Variants in SAP130 observed in about 807,000 individuals in gnomAD.
The protein encoded by SAP130 is Sin3A associated protein 130.
SAP130 carries 16 observed loss-of-function variants against 103.2 expected under a neutral mutation model. The ratio of observed to expected loss-of-function variants is 0.16; its 90% CI spans 0.10 to 0.24. The LOEUF (loss-of-function observed/expected upper bound fraction) is 0.24. Ranked by LOEUF, SAP130 falls within the 10% of genes least tolerant of loss-of-function variation. The pLI is 1.00. For missense variants in SAP130, 990 were observed against 1,359.7 expected (o/e 0.73, Z 4.28); for synonymous variants, 477 against 497.0 (o/e 0.96, Z 0.53).
At chr2:127,975,080 C>A (rs569559085) in intron 15 of SAP130, among the ~76,000 whole-genome samples, 26 of 152,276 alleles carry the variant, frequency 1.7e-4, no homozygotes, top group South Asian at 1.2e-3. Flanking sequence ...GCTCTATGGT[C>A]CCCAAATCAC....
intron 15 of SAP130, among the ~76,000 whole-genome samples, chr2:127,971,356 G>A (rs1302272310): frequency 6.7e-6 from 1 of 149,216 alleles, no homozygotes; most frequent in Admixed American, 6.7e-5. Flanking sequence ...TGCAATCTCG[G>A]CTCACTGCAA....
Position 127,942,392 on chromosome 2 carries a change from AGAT to A in SAP130, c.3015+29_3015+31del. 9.0e-6 allele frequency: 13 copies of A among 1,446,816 alleles called. No homozygotes were observed. Among genetic ancestry groups the A allele is most frequent in the Non-Finnish European group, 1.3e-5 (13 of 1,028,164 alleles). The allele number at this position is 1,446,816 out of a possible 1,614,324, so 89.6% of individuals were successfully genotyped here. The stretch of plus-strand genomic sequence containing the variant: ...TTTACAGAAAGCAACTTCATAAAGT[AGAT>A]GATCAGAAGGGAAGGGGCGCACTCA... On this transcript the variant is annotated intron_variant, in intron 20 of 20. Coordinates refer to ENST00000643581, the MANE Select transcript of SAP130 (RefSeq NM_001330301.2). The surrounding 1 kb of genome is among the most constrained non-coding windows in gnomAD (Gnocchi z 4.8).
intron 3 of SAP130, 97 bp downstream of exon 3, chr2:128,017,583 G>T: frequency 1.9e-6 from 2 of 1,056,242 alleles, no homozygotes; most frequent in Non-Finnish European, 2.8e-6. Flanking sequence ...AATGAAATGT[G>T]ATCCTAAGAT....
chr2:127,942,317 G>C lies in SAP130; in HGVS notation c.3015+107C>G, dbSNP rs752267623. 3.7e-6 allele frequency: 4 copies of C among 1,088,312 alleles called. No individual in the cohort carries two copies. Among genetic ancestry groups the C allele is most frequent in the Non-Finnish European group, 5.5e-6 (4 of 724,756 alleles). 67.4% of individuals were successfully genotyped at this position (1,088,312 alleles called of 1,614,324 possible). On this transcript the variant is annotated intron_variant, in intron 20 of 20. Coordinates refer to ENST00000643581, the MANE Select transcript of SAP130 (RefSeq NM_001330301.2). The surrounding 1 kb of genome is among the most constrained non-coding windows in gnomAD (Gnocchi z 4.8). The stretch of plus-strand genomic sequence containing the variant: ...CAGGAGTGCAGGCTGAAGCACGTAT[G>C]TTTTTACTGAAGATATGAGGGAGAC...
intron 16 of SAP130, among the ~76,000 whole-genome samples, chr2:127,951,709 T>C (rs1679506857): frequency 6.6e-6 from 1 of 152,194 alleles, no homozygotes. Flanking sequence ...CTCCAACCAG[T>C]CTGCACCTAC....
intron 14 of SAP130, among the ~76,000 whole-genome samples, chr2:127,980,551 T>C (rs1013382764): frequency 5.9e-5 from 9 of 152,108 alleles, no homozygotes; most frequent in African/African-American, 1.9e-4. Flanking sequence ...TCAAAAGTCA[T>C]GCACAAAAAT....
intron 6 of SAP130, among the ~76,000 whole-genome samples, chr2:128,010,995 C>A (rs890065855): frequency 6.6e-6 from 1 of 150,548 alleles, no homozygotes; most frequent in African/African-American, 2.5e-5. Context: ...GTACATGAGT[C>A]CCTCCTGTAC....
Position 127,978,057 on chromosome 2 carries a change from T to C in SAP130, c.1991A>G (p.Gln664Arg), listed in dbSNP as rs1019490619. 6.4e-6 allele frequency: 10 copies of C among 1,551,728 alleles called. No individual in the cohort carries two copies. Among genetic ancestry groups the C allele is most frequent in the Non-Finnish European group, 8.7e-6 (10 of 1,146,992 alleles). The change falls in exon 15 of 21, where the codon CAG becomes CGG. Residue 664 changes from glutamine to arginine, a missense_variant. Physicochemically the swap from Gln to Arg is conservative, Grantham distance 43. This residue lies in a region of SAP130 where 349 missense variants were observed against 384.1 expected (regional missense o/e 0.91). Transcript: ENST00000643581. ...TCGAGGACTAGCAACATCAGGAGGC[T>C]GAGGAGGAATGAGGGTTTTCCGAAC... ...MAVRKTLIPP[Q>R]PPDVASPRVE...
intron 7 of SAP130, among the ~76,000 whole-genome samples, chr2:128,007,968 C>T (rs886300160): frequency 2.0e-5 from 3 of 152,160 alleles, no homozygotes; most frequent in Non-Finnish European, 2.9e-5. Flanking sequence ...CTAAAACCTG[C>T]TTTCCTTCCC....
Position 127,978,237 on chromosome 2 carries a change from C to T in SAP130, c.1959-148G>A, listed in dbSNP as rs573336291. On this transcript the variant is annotated intron_variant, in intron 14 of 20. Coordinates refer to ENST00000643581, the MANE Select transcript of SAP130 (RefSeq NM_001330301.2). Reference sequence around the variant, plus strand: ...TTTTTAAAATGGATTTTCATTTTCTCGGATACCACAGACACATTACCAAAA... The same window carrying T: ...TTTTTAAAATGGATTTTCATTTTCTTGGATACCACAGACACATTACCAAAA... 71 of 610,760 alleles carry T rather than the reference C, an allele frequency of 1.2e-4. No homozygotes were observed. In the Admixed American group the frequency reaches 1.2e-3, roughly 10 times the overall value. The allele number at this position is 610,760 out of a possible 1,614,324, so 37.8% of individuals were successfully genotyped here.
At chr2:127,980,013 G>T (rs1178143437) in intron 14 of SAP130, among the ~76,000 whole-genome samples, 1 of 151,922 alleles carries the variant, frequency 6.6e-6, no homozygotes, top group East Asian at 1.9e-4. Flanking sequence ...GAGTAGCTGG[G>T]ATTATAGGTG....
At chr2:127,962,390 A>G (rs1258075645) in intron 15 of SAP130, among the ~76,000 whole-genome samples, 1 of 152,228 alleles carries the variant, frequency 6.6e-6, no homozygotes, top group Non-Finnish European at 1.5e-5. Context: ...ATATACCCAA[A>G]GGATTATAAA....
intron 15 of SAP130, among the ~76,000 whole-genome samples, chr2:127,964,232 G>A (rs939929539): frequency 6.6e-5 from 10 of 152,042 alleles, no homozygotes; most frequent in African/African-American, 2.4e-4. Flanking sequence ...AGTGGCTCAC[G>A]CCTGTAATCC....
rs1685646211 is a variant in SAP130 at position 128,028,024 on chromosome 2, C to G, written c.-91G>C. ...TCTGTGGGGCCGACGTCCCCAGGCT[C>G]CGGACCCGCAGCCACCGCCGGGGAG... On this transcript the variant is annotated 5_prime_UTR_variant, in exon 1 of 21. Transcript: ENST00000643581. The G allele has an allele frequency of 1.0e-6, 1 of 978,568 alleles. No individual in the cohort carries two copies. The highest frequency in any genetic ancestry group is 1.7e-5 in the African/African-American group (1 of 57,224). 60.6% of individuals were successfully genotyped at this position (978,568 alleles called of 1,614,324 possible). A position where few individuals can be genotyped will look rare whatever the true frequency, so the allele number is the denominator to read the frequency against.
Position 127,955,257 on chromosome 2 carries a change from C to T in SAP130, c.2151G>A (p.Gln717=). 7 of 1,613,916 alleles carry T rather than the reference C, an allele frequency of 4.3e-6. No homozygotes were observed. Among genetic ancestry groups the T allele is most frequent in the Non-Finnish European group, 5.9e-6 (7 of 1,179,930 alleles). The part of the protein sequence containing the change: ...METVSNQNND[Q]PTIAVPPTAQ... The stretch of plus-strand genomic sequence containing the variant: ...CAGTTGGAGGGACGGCAATGGTAGG[C>T]TGATCATTATTTTGATTGGATACAG... Residue 717 remains glutamine, a synonymous_variant, in exon 16 of 21, where the codon CAG becomes CAA. Transcript: ENST00000643581. The surrounding 1 kb of genome is among the most constrained non-coding windows in gnomAD (Gnocchi z 4.9).
At chr2:127,980,314 A>T (rs555114076) in intron 14 of SAP130, among the ~76,000 whole-genome samples, 3 of 152,060 alleles carry the variant, frequency 2.0e-5, no homozygotes, top group South Asian at 2.1e-4. Flanking sequence ...AAACAAATTT[A>T]AAAAAAAGAA....
intron 2 of SAP130, among the ~76,000 whole-genome samples, chr2:128,019,190 A>G (rs1684986344): frequency 6.6e-6 from 1 of 152,090 alleles, no homozygotes; most frequent in African/African-American, 2.4e-5. Context: ...GATAGGAGAG[A>G]TATTTTCCAA....
chr2:127,993,305 C>T lies in SAP130; in HGVS notation c.1359G>A (p.Pro453=), dbSNP rs772358782. ...AATATTGGAACTGAACGGGAACAGACGGTCTAGAGACAGAACAGATGATAG... is the reference window on the plus strand; with the variant it reads ...AATATTGGAACTGAACGGGAACAGATGGTCTAGAGACAGAACAGATGATAG... ...VAMETRSDNR[P]SVPVQFQYFL... is the part of the protein sequence containing the mutation. The change falls in exon 12 of 21, where the codon CCG becomes CCA. Residue 453 remains proline (P), a synonymous_variant. Coordinates refer to ENST00000643581, the MANE Select transcript of SAP130 (RefSeq NM_001330301.2). 4.3e-6 allele frequency: 7 copies of T among 1,612,160 alleles called. No homozygotes were observed. Among genetic ancestry groups the T allele is most frequent in the Non-Finnish European group, 5.9e-6 (7 of 1,179,362 alleles).
intron 2 of SAP130, among the ~76,000 whole-genome samples, chr2:128,021,407 A>G (rs1685145626): frequency 1.3e-5 from 2 of 150,818 alleles, no homozygotes; most frequent in Admixed American, 1.3e-4. Context: ...AGATCGCGCC[A>G]CTGCACTACA....
Sources: allele counts gnomAD v4.1 joint callset (sites outside exome capture counted in the v4.1 genomes callset), GRCh38; gene constraint gnomAD v4.1.1; regional missense constraint gnomAD v4.1.1; non-coding constraint Gnocchi (gnomAD v3.1); transcripts MANE v1.5; gene names NCBI Gene and HGNC (gene_info 2026-07-23, HGNC 2026-07-21).